The following SLC24A2 variants were observed in gnomAD, a reference collection of about 807,000 sequenced individuals.
SLC24A2 encodes sodium/potassium/calcium exchanger 2.
Under a neutral mutation model 62.0 loss-of-function variants are expected in SLC24A2, and 36 were observed. The observed-to-expected ratio is 0.58, with a 90% CI of 0.44 to 0.77. SLC24A2 has a LOEUF of 0.77. SLC24A2 is among the 30% of genes least tolerant of loss of function. SLC24A2 has a pLI of 0.00. For missense variants in SLC24A2, 846 were observed against 817.9 expected (o/e 1.03, Z -0.42); for synonymous variants, 358 against 294.0 (o/e 1.22, Z -2.23).
chr9:19,528,426 T>C (rs949018479), intron 8 of SLC24A2, among the ~76,000 whole-genome samples: 4 of 152,216 alleles, frequency 2.6e-5, no homozygotes, highest in Admixed American at 6.5e-5. Context: ...AGATTCCCTC[T>C]GCTCTTGTCC....
chr9:20,066,996 T>C, the SLC24A2 span, among the ~76,000 whole-genome samples: 5 of 152,262 alleles, frequency 3.3e-5, no homozygotes, highest in South Asian at 1.0e-3. Flanking sequence ...CTGAAACATA[T>C]CAATAATAAA....
chr9:20,029,771 T>C, the SLC24A2 span, among the ~76,000 whole-genome samples: 1 of 152,214 alleles, frequency 6.6e-6, no homozygotes, highest in Non-Finnish European at 1.5e-5. Flanking sequence ...CAATATGAGC[T>C]TTAACCCTGA....
At chr9:20,275,187 T>C in the SLC24A2 span, among the ~76,000 whole-genome samples, 1 of 151,638 alleles carries the variant, frequency 6.6e-6, no homozygotes, top group Admixed American at 6.6e-5. Flanking sequence ...AACATAGACA[T>C]AGAGCTCAGT....
chr9:19,526,490 C>T (rs1833452290), intron 9 of SLC24A2, among the ~76,000 whole-genome samples: 1 of 152,168 alleles, frequency 6.6e-6, no homozygotes, highest in Non-Finnish European at 1.5e-5. Context: ...ATTCTAATTT[C>T]TATACATCCT....
At chr9:20,006,455 A>G in the SLC24A2 span, among the ~76,000 whole-genome samples, 4 of 152,090 alleles carry the variant, frequency 2.6e-5, no homozygotes, top group African/African-American at 9.7e-5. Flanking sequence ...ACATTTTTAA[A>G]TAACTAAGAG....
At chr9:20,064,200 C>T in the SLC24A2 span, among the ~76,000 whole-genome samples, 70 of 151,002 alleles carry the variant, frequency 4.6e-4, 1 homozygote, top group Non-Finnish European at 5.6e-4. Context: ...ATATGGTAAA[C>T]GAAAAAAAAG....
intron 7 of SLC24A2, among the ~76,000 whole-genome samples, chr9:19,562,827 G>C (rs1056214395): frequency 4.6e-5 from 7 of 152,160 alleles, no homozygotes; most frequent in Non-Finnish European, 1.0e-4. Context: ...ATCTAGGCTG[G>C]ATTATGGTGG....
At chr9:19,713,506 G>C (rs746264277) in intron 2 of SLC24A2, among the ~76,000 whole-genome samples, 57 of 152,264 alleles carry the variant, frequency 3.7e-4, no homozygotes, top group Non-Finnish European at 6.9e-4. Context: ...ATGCAAGTTT[G>C]AGACCTAAAA....
chr9:20,025,667 T>C, the SLC24A2 span, among the ~76,000 whole-genome samples: 5 of 152,152 alleles, frequency 3.3e-5, no homozygotes, highest in Non-Finnish European at 5.9e-5. Context: ...GGTTCTGCTA[T>C]AGAACTCTTC....
intron 2 of SLC24A2, among the ~76,000 whole-genome samples, chr9:19,627,910 A>T (rs1319885199): frequency 6.6e-6 from 1 of 152,226 alleles, no homozygotes; most frequent in Non-Finnish European, 1.5e-5. Context: ...TTTAAAAAAG[A>T]TAACAAATAG....
the SLC24A2 span, among the ~76,000 whole-genome samples, chr9:19,875,051 T>A: frequency 3.3e-5 from 5 of 152,058 alleles, no homozygotes; most frequent in African/African-American, 1.2e-4. Flanking sequence ...ATGTATTTGT[T>A]TTTAACTAGC....
chr9:19,538,644 A>ATGTTCATCAC (rs1834091866), intron 8 of SLC24A2, among the ~76,000 whole-genome samples: 1 of 115,614 alleles, frequency 8.6e-6, no homozygotes, highest in Admixed American at 9.3e-5. Context: ...ATGTTCATCA[A>ATGTTCATCAC]GGATATTGGT....
chr9:20,086,493 T>C, the SLC24A2 span, among the ~76,000 whole-genome samples: 2 of 152,206 alleles, frequency 1.3e-5, no homozygotes, highest in African/African-American at 4.8e-5. Context: ...ATAGTGGCCT[T>C]TGCTGTGTCA....
rs1010749738 is a variant in SLC24A2 at position 19,707,957 on chromosome 9, G to A, written c.930+77980C>T. 1.5e-4 allele frequency among the ~76,000 whole-genome samples: 23 copies of A among 152,154 alleles called. 1 individual carries two copies. The highest frequency in any genetic ancestry group is 2.6e-4 in the Non-Finnish European group (18 of 68,020). On this transcript the variant is annotated intron_variant, in intron 2 of 10. Coordinates refer to ENST00000341998, the MANE Select transcript of SLC24A2 (RefSeq NM_020344.4). ...GGGTATTCAATTAGGAAAAGAGGAA[G>A]TCAAATTGTCCCTGTTTGCAGATGA...
At chr9:19,735,057 A>G (rs1156759730) in intron 2 of SLC24A2, among the ~76,000 whole-genome samples, 4 of 152,134 alleles carry the variant, frequency 2.6e-5, no homozygotes, top group Non-Finnish European at 5.9e-5. Context: ...AGAAACCACC[A>G]TCAGAGTGAA....
At chr9:20,250,315 C>T in the SLC24A2 span, among the ~76,000 whole-genome samples, 1 of 152,222 alleles carries the variant, frequency 6.6e-6, no homozygotes, top group Non-Finnish European at 1.5e-5. Flanking sequence ...GGAAGTCCTA[C>T]AGGTCTTCTC....
At chr9:19,562,309 A>T (rs911923090) in intron 7 of SLC24A2, among the ~76,000 whole-genome samples, 3 of 152,242 alleles carry the variant, frequency 2.0e-5, no homozygotes, top group Non-Finnish European at 4.4e-5. Context: ...TACTAATGAT[A>T]GTATTTCTTT....
intron 2 of SLC24A2, among the ~76,000 whole-genome samples, chr9:19,725,823 A>G (rs546732770): frequency 8.5e-4 from 129 of 152,168 alleles, no homozygotes; most frequent in Non-Finnish European, 1.6e-3. Flanking sequence ...TCAATGTAGC[A>G]TATCTTAGAA....
rs1379086320 is a variant in SLC24A2, at chr9:19,512,202, T to G, written c.*3951A>C. ...CCCAGGAATGGATGTACATTAACAT[T>G]GTCAAATGTCTAATCAGCGAGGCAG... On this transcript the variant is annotated 3_prime_UTR_variant, in exon 11 of 11. Coordinates refer to ENST00000341998, the MANE Select transcript of SLC24A2 (RefSeq NM_020344.4). 6.6e-6 allele frequency: 1 copy of G among 152,194 alleles called. No homozygotes were observed. Among genetic ancestry groups the G allele is most frequent in the Admixed American group, 6.6e-5 (1 of 15,262 alleles). 9.4% of individuals were successfully genotyped at this position (152,194 alleles called of 1,614,324 possible). A position where few individuals can be genotyped will look rare whatever the true frequency, so the allele number is the denominator to read the frequency against.
Sources: allele counts gnomAD v4.1 joint callset (sites outside exome capture counted in the v4.1 genomes callset), GRCh38; gene constraint gnomAD v4.1.1; transcripts MANE v1.5; gene names NCBI Gene and HGNC (gene_info 2026-07-23, HGNC 2026-07-21).